Variants in LINGO1 observed in about 807,000 individuals in gnomAD.
The protein encoded by LINGO1 is leucine-rich repeat and immunoglobulin-like domain-containing nogo receptor-interacting protein 1.
LINGO1 carries 11 observed loss-of-function variants against 37.3 expected under a neutral mutation model. That is an observed-to-expected ratio of 0.29 (90% CI 0.19 to 0.49). The LOEUF (loss-of-function observed/expected upper bound fraction) is 0.49. LINGO1 is among the 20% of genes least tolerant of loss of function. LINGO1 has a pLI of 0.99. For missense variants in LINGO1, 585 were observed against 878.2 expected, an observed-to-expected ratio of 0.67 and a Z score of 4.22; for synonymous variants, 387 against 403.0, an observed-to-expected ratio of 0.96 and a Z score of 0.48.
At chr15:77,707,012 T>C (rs2075861123) in intron 2 of LINGO1, among the ~76,000 whole-genome samples, 1 of 152,234 alleles carries the variant, frequency 6.6e-6, no homozygotes, top group African/African-American at 2.4e-5. Context: ...ACGGATTCCC[T>C]GTAGAAGACA....
intron 1 of LINGO1, among the ~76,000 whole-genome samples, chr15:77,813,124 T>G (rs919625868): frequency 6.6e-6 from 1 of 152,180 alleles, no homozygotes; most frequent in Non-Finnish European, 1.5e-5. Flanking sequence ...GCCTTGCATA[T>G]AGTGGGTACA....
At chr15:77,646,272 G>A in intron 3 of LINGO1, 1 of 329,466 alleles carries the variant, frequency 3.0e-6, no homozygotes, top group Non-Finnish European at 6.0e-6. Flanking sequence ...GACCTGTAAG[G>A]GACTCCACCC....
intron 3 of LINGO1, chr15:77,641,944 C>T (rs751767764): frequency 6.6e-5 from 30 of 456,564 alleles, no homozygotes; most frequent in Non-Finnish European, 3.1e-5. Flanking sequence ...CACCTGTTGG[C>T]GGAGTGGTCT....
chr15:77,647,809 T>A (rs1167170366), intron 3 of LINGO1: 15 of 455,302 alleles, frequency 3.3e-5, no homozygotes, highest in Non-Finnish European at 4.9e-5. Flanking sequence ...TCTCTCTCAT[T>A]GTTCCCTTTA....
intron 1 of LINGO1, among the ~76,000 whole-genome samples, chr15:77,772,425 G>T (rs901515151): frequency 3.3e-5 from 5 of 152,160 alleles, no homozygotes; most frequent in African/African-American, 1.2e-4. Context: ...GCATCCCCGA[G>T]TGTACAGGAG....
intron 1 of LINGO1, among the ~76,000 whole-genome samples, chr15:77,786,138 GAC>G (rs1253143946): frequency 6.6e-6 from 1 of 152,200 alleles, no homozygotes; most frequent in Non-Finnish European, 1.5e-5. Flanking sequence ...GTGCCGTTAA[GAC>G]ACAGCCCACA....
intron 1 of LINGO1, among the ~76,000 whole-genome samples, chr15:77,695,756 T>C (rs774610204): frequency 2.1e-4 from 32 of 152,252 alleles, no homozygotes; most frequent in Non-Finnish European, 3.5e-4. Context: ...GGCCGATCTG[T>C]GGCTGAGCTC....
intron 2 of LINGO1, among the ~76,000 whole-genome samples, chr15:77,702,784 T>C (rs149426782): frequency 2.8e-4 from 43 of 152,300 alleles, no homozygotes; most frequent in Middle Eastern, 6.8e-3. Context: ...TGATCCTATC[T>C]AAACTCCACC....
intron 2 of LINGO1, among the ~76,000 whole-genome samples, chr15:77,684,107 C>T (rs1278247632): frequency 6.6e-6 from 1 of 152,184 alleles, no homozygotes; most frequent in Non-Finnish European, 1.5e-5. Flanking sequence ...AGTAACTGCT[C>T]AGGTGTCACC....
Position 77,614,403 on chromosome 15 carries a change from C to T in LINGO1, c.1504G>A (p.Ala502Thr), listed in dbSNP as rs757817349. Residue 502 changes from alanine to threonine, a missense_variant, in exon 2 of 2, where the codon GCG becomes ACG. Ala to Thr is a moderately conservative substitution (Grantham distance 58). Coordinates refer to ENST00000355300, the MANE Select transcript of LINGO1 (RefSeq NM_032808.7). ...NGTYLCIAAN[A>T]GGNDSMPAHL... is the part of the protein sequence containing the mutation. ...GCGGGCATGGAGTCGTTGCCGCCCG[C>T]GTTGGCCGCGATGCACAGGTACGTG... 6 of 1,613,062 alleles carry T rather than the reference C, an allele frequency of 3.7e-6. No individual in the cohort carries two copies. The highest frequency in any genetic ancestry group is 5.1e-6 in the Non-Finnish European group (6 of 1,179,802).
At chr15:77,817,079 G>C (rs1047366322) in intron 1 of LINGO1, among the ~76,000 whole-genome samples, 5 of 152,212 alleles carry the variant, frequency 3.3e-5, no homozygotes, top group African/African-American at 1.2e-4. Context: ...GCCCGGGACG[G>C]GGAAGCCAGC....
intron 1 of LINGO1, among the ~76,000 whole-genome samples, chr15:77,764,800 C>T (rs923824178): frequency 6.6e-6 from 1 of 152,198 alleles, no homozygotes; most frequent in Non-Finnish European, 1.5e-5. Flanking sequence ...TACCACAGAG[C>T]AGTTCCACTC....
intron 2 of LINGO1, among the ~76,000 whole-genome samples, chr15:77,711,039 T>A (rs2075912552): frequency 6.6e-6 from 1 of 152,164 alleles, no homozygotes; most frequent in South Asian, 2.1e-4. Context: ...CCCAGCCCCC[T>A]CTCTGAGCCT....
chr15:77,787,525 G>T (rs370052324), upstream of LINGO1, among the ~76,000 whole-genome samples: 258 of 150,916 alleles, frequency 1.7e-3, 2 homozygotes, highest in African/African-American at 5.9e-3. Context: ...GGGTTCCCAC[G>T]CATGCGGCTC....
In LINGO1 at chr15:77,748,722, G is replaced by A. The variant is rs572660886; in HGVS notation, c.-256-13669C>T. Among the ~76,000 whole-genome samples, 20 of 151,712 alleles carry A rather than the reference G, an allele frequency of 1.3e-4. 2 individuals are homozygous for A. The highest frequency in any genetic ancestry group is 9.2e-4 in the Admixed American group (14 of 15,226). On this transcript the variant is annotated intron_variant, in intron 1 of 3. Coordinates refer to the LINGO1 transcript ENST00000561686. Reference sequence around the variant, plus strand: ...TTTTCTTTTCTTTTATTGGGGGTGCGGTGCAGGGGAGAGACAGAGGTTTGC... The same window carrying A: ...TTTTCTTTTCTTTTATTGGGGGTGCAGTGCAGGGGAGAGACAGAGGTTTGC...
intron 2 of LINGO1, among the ~76,000 whole-genome samples, chr15:77,731,351 A>G (rs919793646): frequency 1.3e-5 from 2 of 152,104 alleles, no homozygotes; most frequent in Non-Finnish European, 2.9e-5. Flanking sequence ...ATGCACACAC[A>G]TGCACATCCA....
intron 2 of LINGO1, among the ~76,000 whole-genome samples, chr15:77,685,426 A>G (rs1031172231): frequency 6.6e-6 from 1 of 152,192 alleles, no homozygotes; most frequent in African/African-American, 2.4e-5. Flanking sequence ...CCAGGAACCC[A>G]GGGAGGCAGT....
In LINGO1 at chr15:77,614,892, C is replaced by T. The variant is rs745918219; in HGVS notation, c.1015G>A (p.Val339Met). ...AGCTGGTTGCCAGAGACATTGAGCA[C>T]GCGCAGGTAGTTGAGGCCGCGGAAG... Reference protein sequence around the residue: ...YAFRGLNYLRVLNVSGNQLTT... With the variant: ...YAFRGLNYLRMLNVSGNQLTT... Residue 339 changes from valine to methionine, a missense_variant, in exon 2 of 2, where the codon GTG (valine) becomes ATG (methionine). Coordinates refer to ENST00000355300, the MANE Select transcript of LINGO1 (RefSeq NM_032808.7). The T allele has an allele frequency of 1.7e-5, 28 of 1,613,838 alleles. No homozygotes were observed. The highest frequency in any genetic ancestry group is 1.6e-4 in the Middle Eastern group (1 of 6,080).
intron 1 of LINGO1, among the ~76,000 whole-genome samples, chr15:77,764,208 T>A (rs879566347): frequency 1.3e-5 from 2 of 152,216 alleles, no homozygotes; most frequent in East Asian, 1.9e-4. Context: ...ATGCCTGTCA[T>A]CTCTCTGCCC....
Sources: allele counts gnomAD v4.1 joint callset (sites outside exome capture counted in the v4.1 genomes callset), GRCh38; gene constraint gnomAD v4.1.1; transcripts MANE v1.5; gene names NCBI Gene and HGNC (gene_info 2026-07-23, HGNC 2026-07-21).